LHFPL3: variants seen among roughly 807,000 people sequenced by gnomAD.
LHFPL3 encodes LHFPL tetraspan subfamily member 3 protein.
A neutral mutation model predicts 19.3 loss-of-function variants in LHFPL3; 5 were observed. That is an observed-to-expected ratio of 0.26 (90% CI 0.14 to 0.54). LHFPL3 has a LOEUF of 0.54. Among genes scored for constraint, LHFPL3 ranks in the 20% least tolerant of loss-of-function variants. LHFPL3 has a pLI of 0.94. For synonymous variants in LHFPL3, 133 were observed against 126.2 expected (o/e 1.05, Z -0.36); for missense variants, 249 against 307.4 (o/e 0.81, Z 1.42).
At chr7:104,563,959 C>T (rs1312584637) in intron 1 of LHFPL3, among the ~76,000 whole-genome samples, 1 of 152,114 alleles carries the variant, frequency 6.6e-6, no homozygotes, top group African/African-American at 2.4e-5. Context: ...ATCTTTCTGC[C>T]ATAGAAAATA....
intron 2 of LHFPL3, among the ~76,000 whole-genome samples, chr7:104,855,629 C>T (rs377628440): frequency 1.4e-5 from 2 of 146,138 alleles, no homozygotes; most frequent in Admixed American, 6.8e-5. Context: ...ATTTTTCTTT[C>T]TTTTTTTTTT....
At chr7:104,587,960 T>A (rs537699196) in intron 1 of LHFPL3, among the ~76,000 whole-genome samples, 35 of 152,312 alleles carry the variant, frequency 2.3e-4, no homozygotes, top group African/African-American at 7.7e-4. Context: ...CACTTGTTAA[T>A]GGGGTTGTTT....
At chr7:104,390,878 A>C (rs1791052066) in intron 1 of LHFPL3, among the ~76,000 whole-genome samples, 2 of 152,186 alleles carry the variant, frequency 1.3e-5, no homozygotes, top group Admixed American at 6.5e-5. Context: ...TCGCCATTCT[A>C]ACTGGTATGA....
chr7:104,873,036 A>C (rs1441970046), intron 2 of LHFPL3, among the ~76,000 whole-genome samples: 1 of 152,218 alleles, frequency 6.6e-6, no homozygotes, highest in Non-Finnish European at 1.5e-5. Context: ...ATGTTACAAC[A>C]GCTACAATGT....
At chr7:104,430,406 A>ATATGTATATATATATACATATG (rs1562895153) in intron 1 of LHFPL3, among the ~76,000 whole-genome samples, 1 of 31,430 alleles carries the variant, frequency 3.2e-5, no homozygotes, top group Non-Finnish European at 5.2e-5. Context: ...ATATATATAC[A>ATATGTATATATATATACATATG]TATATATATA....
chr7:104,870,891 A>G lies in LHFPL3; in HGVS notation c.683-35296A>G, dbSNP rs372724053. ...TCCTAAAGAGGAGGAAAGGATCTCA[A>G]CTGTAACCTCTCATCCTCACCTAAG... On this transcript the variant is annotated intron_variant, in intron 2 of 2. Transcript: ENST00000424859. Among the ~76,000 whole-genome samples, 132 of 152,286 alleles carry G rather than the reference A, an allele frequency of 8.7e-4. 1 individual carries two copies. In the South Asian group the frequency reaches 0.019, roughly 22 times the overall value.
intron 1 of LHFPL3, among the ~76,000 whole-genome samples, chr7:104,379,162 G>A (rs1468629600): frequency 1.3e-5 from 2 of 152,194 alleles, no homozygotes; most frequent in Non-Finnish European, 2.9e-5. Flanking sequence ...GCTGTTTCCT[G>A]CCAACTTCAG....
chr7:104,821,738 C>A (rs559390021), intron 2 of LHFPL3, among the ~76,000 whole-genome samples: 1 of 152,178 alleles, frequency 6.6e-6, no homozygotes, highest in Non-Finnish European at 1.5e-5. Flanking sequence ...TAAAGTAGCA[C>A]AGTCAAAGTT....
At chr7:104,544,119 A>G (rs1794538479) in intron 1 of LHFPL3, among the ~76,000 whole-genome samples, 1 of 151,932 alleles carries the variant, frequency 6.6e-6, no homozygotes, top group Non-Finnish European at 1.5e-5. Context: ...TAATTATTCT[A>G]ACTAACCTAG....
intron 1 of LHFPL3, among the ~76,000 whole-genome samples, chr7:104,612,353 G>T (rs1791227775): frequency 6.6e-6 from 1 of 152,072 alleles, no homozygotes; most frequent in African/African-American, 2.4e-5. Context: ...GTAATATCCT[G>T]ATTCCTCAGT....
chr7:104,569,263 T>A (rs886102244), intron 1 of LHFPL3, among the ~76,000 whole-genome samples: 14 of 152,358 alleles, frequency 9.2e-5, no homozygotes, highest in African/African-American at 3.4e-4. Flanking sequence ...TTTTTATGAC[T>A]GTGTCCTATT....
intron 1 of LHFPL3, among the ~76,000 whole-genome samples, chr7:104,360,694 CGTGTGT>C (rs61216282): frequency 0.064 from 9,193 of 144,280 alleles, 319 homozygotes; most frequent in Middle Eastern, 0.15. Context: ...AAAGTGCTTC[CGTGTGT>C]GTGTGTGTGT....
chr7:104,850,589 C>T (rs972511171), intron 2 of LHFPL3, among the ~76,000 whole-genome samples: 1 of 152,184 alleles, frequency 6.6e-6, no homozygotes, highest in African/African-American at 2.4e-5. Context: ...TAGGTTACAC[C>T]TGACTGACAT....
chr7:104,888,098 C>G (rs1792183960), intron 2 of LHFPL3, among the ~76,000 whole-genome samples: 1 of 152,164 alleles, frequency 6.6e-6, no homozygotes, highest in African/African-American at 2.4e-5. Context: ...TCAAGAACCT[C>G]ACATACATGT....
At chr7:104,463,318 T>C (rs1792712990) in intron 1 of LHFPL3, among the ~76,000 whole-genome samples, 2 of 152,228 alleles carry the variant, frequency 1.3e-5, no homozygotes, top group African/African-American at 4.8e-5. Flanking sequence ...TTCTTTAAGA[T>C]GTGATATTGG....
chr7:104,558,191 C>A (rs1789894762), intron 1 of LHFPL3, among the ~76,000 whole-genome samples: 4 of 151,494 alleles, frequency 2.6e-5, no homozygotes, highest in African/African-American at 9.7e-5. Context: ...TGGGTATATA[C>A]CCAGTAATGG....
intron 1 of LHFPL3, among the ~76,000 whole-genome samples, chr7:104,518,198 T>G (rs1371346306): frequency 1.3e-5 from 2 of 152,204 alleles, no homozygotes. Flanking sequence ...TTTGATCATT[T>G]GTATACTACT....
rs1320632210 is a variant in LHFPL3 at position 104,554,631 on chromosome 7, TTAGATAGACAGATAGATAGA to T, written c.446-182035_446-182016del. On this transcript the variant is annotated intron_variant, in intron 1 of 2. Coordinates refer to ENST00000424859, the MANE Select transcript of LHFPL3 (RefSeq NM_199000.3). The stretch of plus-strand genomic sequence containing the variant: ...ACAGAGGCAGAACTAATAGGATAGA[TTAGATAGACAGATAGATAGA>T]TAGATAGATAGATAGATAGATAGAT... Among the ~76,000 whole-genome samples, 380 of 141,920 alleles carry T rather than the reference TTAGATAGACAGATAGATAGA, an allele frequency of 2.7e-3. 2 individuals carry two copies. The highest frequency in any genetic ancestry group is 9.1e-3 in the African/African-American group (351 of 38,374). The allele number at this position is 141,920 out of a possible 152,430, so 93.1% of individuals were successfully genotyped here. A position where few individuals can be genotyped will look rare whatever the true frequency, so the allele number is the denominator to read the frequency against.
At chr7:104,409,590 T>C (rs1422048535) in intron 1 of LHFPL3, among the ~76,000 whole-genome samples, 2 of 151,918 alleles carry the variant, frequency 1.3e-5, no homozygotes, top group African/African-American at 2.4e-5. Context: ...CACTCCAGCC[T>C]AGGTGACAGA....
Sources: gnomAD v4.1 joint callset for allele counts (sites outside exome capture counted in the v4.1 genomes callset) on GRCh38, gnomAD v4.1.1 for gene constraint, MANE v1.5 for transcripts, NCBI Gene and HGNC (gene_info 2026-07-23, HGNC 2026-07-21) for gene names.